Variants in CSMD1 observed in about 807,000 individuals in gnomAD.
CSMD1 encodes the protein CUB and sushi domain-containing protein 1.
A neutral mutation model predicts 417.5 loss-of-function variants in CSMD1; 213 were observed. The observed-to-expected ratio is 0.51, with a 90% confidence interval of 0.46 to 0.57. CSMD1 has a LOEUF of 0.57. Ranked by LOEUF, CSMD1 falls within the 20% of genes least tolerant of loss-of-function variation. CSMD1 has a pLI of 0.00. For synonymous variants in CSMD1, 2,862 were observed against 1,736.8 expected (o/e 1.65, Z -16.11); for missense variants, 6,923 against 4,529.7 (o/e 1.53, Z -15.17).
intron 40 of CSMD1, among the ~76,000 whole-genome samples, chr8:3,150,752 C>T (rs1207454204): frequency 2.0e-5 from 3 of 151,954 alleles, no homozygotes; most frequent in African/African-American, 7.3e-5. Context: ...CGAAGGAAAC[C>T]AGGAGGCAGA....
chr8:3,819,998 G>T (rs111629316), intron 5 of CSMD1, among the ~76,000 whole-genome samples: 2 of 152,074 alleles, frequency 1.3e-5, no homozygotes, highest in East Asian at 3.9e-4. Flanking sequence ...TCCCTTCAGC[G>T]TACTTTCCAC....
At chr8:4,476,400 T>G (rs576938911) in intron 2 of CSMD1, among the ~76,000 whole-genome samples, 5 of 152,316 alleles carry the variant, frequency 3.3e-5, no homozygotes, top group African/African-American at 1.2e-4. Context: ...TTTTGGTAGT[T>G]AAGTGTGATT....
intron 28 of CSMD1, among the ~76,000 whole-genome samples, chr8:3,222,053 T>C (rs1161770463): frequency 1.3e-5 from 2 of 152,120 alleles, no homozygotes; most frequent in Non-Finnish European, 2.9e-5. Context: ...CAGGTAGATG[T>C]CTGCTTGAGC....
chr8:3,241,411 A>G (rs940473351), intron 26 of CSMD1, among the ~76,000 whole-genome samples: 9 of 152,196 alleles, frequency 5.9e-5, no homozygotes, highest in African/African-American at 2.2e-4. Flanking sequence ...CTCCACTGTG[A>G]GAGTTACCTA....
intron 3 of CSMD1, among the ~76,000 whole-genome samples, chr8:4,275,488 G>T (rs1796433596): frequency 8.0e-6 from 1 of 125,256 alleles, no homozygotes; most frequent in African/African-American, 3.0e-5. Flanking sequence ...TCTCGTAGAG[G>T]GAGTGATAGG....
chr8:3,293,590 C>G (rs1239550995), intron 25 of CSMD1, among the ~76,000 whole-genome samples: 4 of 152,202 alleles, frequency 2.6e-5, no homozygotes, highest in Non-Finnish European at 5.9e-5. Flanking sequence ...TCTTCCATCA[C>G]TGATACCTTG....
chr8:3,699,823 G>C (rs948886327), intron 7 of CSMD1, among the ~76,000 whole-genome samples: 8 of 151,894 alleles, frequency 5.3e-5, no homozygotes, highest in Non-Finnish European at 1.0e-4. Context: ...AAAAACATGA[G>C]CACCCTCTTC....
At chr8:4,323,475 G>T (rs945491141) in intron 3 of CSMD1, among the ~76,000 whole-genome samples, 30 of 116,816 alleles carry the variant, frequency 2.6e-4, no homozygotes, top group African/African-American at 1.1e-3. Flanking sequence ...ATACATAATG[G>T]GACTAGGGCT....
intron 49 of CSMD1, among the ~76,000 whole-genome samples, chr8:3,057,491 T>C (rs780421502): frequency 2.0e-5 from 3 of 152,208 alleles, no homozygotes; most frequent in Non-Finnish European, 4.4e-5. Flanking sequence ...TACACACTTA[T>C]AGCTATATGT....
chr8:3,464,379 T>A (rs1417641210), intron 12 of CSMD1, among the ~76,000 whole-genome samples: 1 of 152,158 alleles, frequency 6.6e-6, no homozygotes, highest in Non-Finnish European at 1.5e-5. Flanking sequence ...GCAGTGGTTA[T>A]GAGGGAACCC....
chr8:3,497,712 C>T (rs960234517), intron 10 of CSMD1, among the ~76,000 whole-genome samples: 1 of 152,166 alleles, frequency 6.6e-6, no homozygotes, highest in Non-Finnish European at 1.5e-5. Context: ...TTCTTATAGG[C>T]AGTATGCACT....
At chr8:3,328,566 T>C (rs756887417) in intron 23 of CSMD1, among the ~76,000 whole-genome samples, 25 of 152,204 alleles carry the variant, frequency 1.6e-4, no homozygotes, top group Non-Finnish European at 3.1e-4. Context: ...CCCACAGCAA[T>C]GATCAGTTTC....
chr8:3,980,119 G>C (rs1359556039), intron 5 of CSMD1, among the ~76,000 whole-genome samples: 1 of 133,726 alleles, frequency 7.5e-6, no homozygotes, highest in African/African-American at 3.1e-5. Context: ...TAGAAAATAG[G>C]TTTTATCATT....
chr8:4,199,950 A>T (rs1799555069), intron 3 of CSMD1, among the ~76,000 whole-genome samples: 1 of 152,196 alleles, frequency 6.6e-6, no homozygotes, highest in Admixed American at 6.5e-5. Context: ...CAACCAATGT[A>T]GAAAAAAAGA....
chr8:3,892,882 G>C (rs375680053), intron 5 of CSMD1, among the ~76,000 whole-genome samples: 1 of 151,948 alleles, frequency 6.6e-6, no homozygotes, highest in South Asian at 2.1e-4. Context: ...TGAGTGGAGA[G>C]GATGGCAAGC....
At chr8:4,772,687 T>G (rs922856858) in intron 1 of CSMD1, among the ~76,000 whole-genome samples, 1 of 152,150 alleles carries the variant, frequency 6.6e-6, no homozygotes, top group Non-Finnish European at 1.5e-5. Context: ...AATGTATCTG[T>G]GAAAGGATGT....
chr8:4,642,838 T>A (rs184560442), intron 1 of CSMD1, among the ~76,000 whole-genome samples: 2 of 152,208 alleles, frequency 1.3e-5, no homozygotes, highest in Non-Finnish European at 2.9e-5. Flanking sequence ...ACATCAAAGA[T>A]ATTTTGACAT....
chr8:4,843,969 C>G lies in CSMD1; in HGVS notation c.85+150363G>C, dbSNP rs35035599. Among the ~76,000 whole-genome samples, 658 of 152,222 alleles carry G rather than the reference C, an allele frequency of 4.3e-3. 3 individuals are homozygous for G. The highest frequency in any genetic ancestry group is 7.0e-3 in the Non-Finnish European group (478 of 68,024). On this transcript the variant is annotated intron_variant, in intron 1 of 69. Transcript: ENST00000635120. The stretch of plus-strand genomic sequence containing the variant: ...AAGCTGTAACGGAAAGTGTGTTTCT[C>G]ATGAATCAGCAGGAAAAATGAGATT...
At chr8:4,203,449 A>G (rs565066975) in intron 3 of CSMD1, among the ~76,000 whole-genome samples, 1 of 152,150 alleles carries the variant, frequency 6.6e-6, no homozygotes, top group Non-Finnish European at 1.5e-5. Context: ...AAAAAATCCA[A>G]TGTGCTTTTC....
Sources: gnomAD v4.1 joint callset for allele counts (sites outside exome capture counted in the v4.1 genomes callset) on GRCh38, gnomAD v4.1.1 for gene constraint, MANE v1.5 for transcripts, NCBI Gene and HGNC (gene_info 2026-07-23, HGNC 2026-07-21) for gene names.